ITPRID1: variants seen among roughly 807,000 people sequenced by gnomAD.
The protein encoded by ITPRID1 is ITPR interacting domain containing 1.
Under a neutral mutation model 95.4 loss-of-function variants are expected in ITPRID1, and 96 were observed. The ratio of observed to expected loss-of-function variants is 1.01; its 90% CI spans 0.85 to 1.19. The LOEUF (loss-of-function observed/expected upper bound fraction) is 1.19, where lower values mean the gene tolerates loss of function less well. Ranked by LOEUF, ITPRID1 falls within the 50% of genes most tolerant of loss-of-function variation. The pLI is 0.00. For missense variants in ITPRID1, 1,339 were observed against 1,252.9 expected (o/e 1.07, Z -1.04); for synonymous variants, 510 against 453.6 (o/e 1.12, Z -1.58).
intron 1 of ITPRID1, among the ~76,000 whole-genome samples, chr7:31,519,853 C>T (rs1275662073): frequency 6.6e-6 from 1 of 151,670 alleles, no homozygotes; most frequent in Non-Finnish European, 1.5e-5. Flanking sequence ...CTATTATTAA[C>T]ATCTTAAATT....
At chr7:31,636,731 T>A (rs1201341739) in intron 10 of ITPRID1, among the ~76,000 whole-genome samples, 6 of 151,600 alleles carry the variant, frequency 4.0e-5, no homozygotes, top group Non-Finnish European at 8.8e-5. Flanking sequence ...TTTTTAAAAA[T>A]TTTATTATTA....
chr7:31,553,082 A>AAG lies in ITPRID1; in HGVS notation c.66_67dup (p.Ile23ArgfsTer3), dbSNP rs749588865. On this transcript the variant is annotated frameshift_variant, in exon 3 of 15. Transcript: ENST00000615280. LOFTEE classifies it high-confidence loss of function. ...CCTTCAGGAAGGCCAGGAAAAGAGC[A>AAG]AGAGAGAGATCCTGAAGTGCACCAA... is the stretch of plus-strand genomic sequence containing the variant. The AAG allele has an allele frequency of 6.8e-6, 11 of 1,607,988 alleles. No individual in the cohort carries two copies. Among genetic ancestry groups the AAG allele is most frequent in the Non-Finnish European group, 9.3e-6 (11 of 1,177,144 alleles).
chr7:31,606,745 T>C (rs558172094), intron 10 of ITPRID1, among the ~76,000 whole-genome samples: 1 of 152,276 alleles, frequency 6.6e-6, no homozygotes, highest in South Asian at 2.1e-4. Context: ...TACATGGAGA[T>C]GTTGAAAAAA....
chr7:31,658,524 A>G (rs2128224639), downstream of ITPRID1: 1 of 665,970 alleles, frequency 1.5e-6, no homozygotes, highest in Non-Finnish European at 2.2e-6. Flanking sequence ...GAGTGTTTTC[A>G]TGTGGAATGG....
intron 10 of ITPRID1, among the ~76,000 whole-genome samples, chr7:31,593,485 T>C (rs2128155718): frequency 6.6e-6 from 1 of 152,192 alleles, no homozygotes; most frequent in East Asian, 1.9e-4. Context: ...AAAGAAGAAA[T>C]ATAAAAGCTC....
downstream of ITPRID1, chr7:31,658,400 T>C (rs1030553508): frequency 6.7e-7 from 1 of 1,490,740 alleles, no homozygotes; most frequent in Non-Finnish European, 8.8e-7. Context: ...TAATTGTTTT[T>C]CTTTGTTGAG....
chr7:31,577,160 T>C (rs1012353910), intron 8 of ITPRID1, among the ~76,000 whole-genome samples: 1 of 152,238 alleles, frequency 6.6e-6, no homozygotes, highest in African/African-American at 2.4e-5. Context: ...TTCCTAAGTC[T>C]TGCTCGTTTA....
At position 31,637,508 on chromosome 7, in the gene ITPRID1, T is replaced by C. The variant is rs543756573; in HGVS notation, c.1229-4668T>C. Among the ~76,000 whole-genome samples the C allele has an allele frequency of 9.5e-4, 144 of 152,368 alleles. 1 individual carries two copies. Among genetic ancestry groups the C allele is most frequent in the African/African-American group, 3.3e-3 (139 of 41,588 alleles). The stretch of plus-strand genomic sequence containing the variant: ...GCCAGTGATGATGAGCATTTTTTCA[T>C]GTGTCTTTTGGCTGCATTAATGTCT... On this transcript the variant is annotated intron_variant, in intron 10 of 14. Transcript: ENST00000615280.
At chr7:31,615,074 C>T (rs1024692) in intron 10 of ITPRID1, among the ~76,000 whole-genome samples, 24,609 of 152,024 alleles carry the variant, frequency 0.16, 2,588 homozygotes, top group African/African-American at 0.29. Context: ...AGAATAAAGG[C>T]GACTTCTAGA....
intron 12 of ITPRID1, among the ~76,000 whole-genome samples, chr7:31,648,458 G>A (rs1213954758): frequency 6.6e-6 from 1 of 151,962 alleles, no homozygotes; most frequent in African/African-American, 2.4e-5. Flanking sequence ...GGGCTAAAAT[G>A]TGTTTTTCCA....
At chr7:31,607,921 G>C (rs924212285) in intron 10 of ITPRID1, among the ~76,000 whole-genome samples, 4 of 151,888 alleles carry the variant, frequency 2.6e-5, no homozygotes, top group African/African-American at 9.6e-5. Context: ...TGAAGTTTAT[G>C]TTCTCAGAAT....
chr7:31,517,243 G>A (rs1339173956), intron 1 of ITPRID1: 2 of 152,106 alleles, frequency 1.3e-5, no homozygotes. Context: ...AGAGCTGATT[G>A]GTCCATTTTA....
At chr7:31,552,822 C>A (rs1399352092) in intron 2 of ITPRID1, among the ~76,000 whole-genome samples, 180 bp from the exon 3 acceptor site, 3 of 152,100 alleles carry the variant, frequency 2.0e-5, no homozygotes, top group Admixed American at 6.6e-5. Flanking sequence ...GGGAAGGAAG[C>A]ATTTCACCAA....
At chr7:31,595,237 G>T (rs962815060) in intron 10 of ITPRID1, among the ~76,000 whole-genome samples, 8 of 151,506 alleles carry the variant, frequency 5.3e-5, no homozygotes, top group South Asian at 2.1e-4. Context: ...TAGAGACAGG[G>T]TTTCACCATA....
At chr7:31,658,299 CT>C (rs35589779), downstream of ITPRID1, 684 of 1,381,978 alleles carry the variant, frequency 4.9e-4, no homozygotes, top group Middle Eastern at 1.9e-3. Flanking sequence ...AGCTGGATCC[CT>C]TTTTTTTTTC....
Position 31,569,816 on chromosome 7 carries a change from A to G in ITPRID1, c.308+7A>G. On this transcript the variant is annotated splice_region_variant and intron_variant, in intron 6 of 14. Transcript: ENST00000615280. ...CTGTGAAAGACTACATGAGGTAGGT[A>G]GCAGAATCAGTGTTACTTCATGCCA... The G allele has an allele frequency of 6.3e-7, 1 of 1,579,898 alleles. No individual in the cohort carries two copies. The highest frequency in any genetic ancestry group is 8.6e-7 in the Non-Finnish European group (1 of 1,161,334).
chr7:31,605,567 C>G lies in ITPRID1; in HGVS notation c.1228+22376C>G, dbSNP rs116492810. Among the ~76,000 whole-genome samples the G allele has an allele frequency of 7.9e-4, 120 of 152,332 alleles. 1 individual carries two copies. Among genetic ancestry groups the G allele is most frequent in the African/African-American group, 2.8e-3 (115 of 41,566 alleles). ...TTGGAAGGAAGATCCTAGTTCTTGT[C>G]TCCTGTAGCAAACATCATCCCTTAT... On this transcript the variant is annotated intron_variant, in intron 10 of 14. Transcript: ENST00000615280.
At chr7:31,537,095 TTG>T (rs66543091) in intron 1 of ITPRID1, among the ~76,000 whole-genome samples, 32,119 of 145,340 alleles carry the variant, frequency 0.22, 3,785 homozygotes, top group African/African-American at 0.33. Context: ...GGTGTGTGTG[TTG>T]TGTGTGTGTG....
At chr7:31,658,592 C>A (rs888100075), downstream of ITPRID1, 1 of 331,748 alleles carries the variant, frequency 3.0e-6, no homozygotes, top group Non-Finnish European at 5.3e-6. Context: ...TCATGATGTG[C>A]GAGAATTGTA....
Sources: allele counts gnomAD v4.1 joint callset (sites outside exome capture counted in the v4.1 genomes callset), GRCh38; gene constraint gnomAD v4.1.1; transcripts MANE v1.5; gene names NCBI Gene and HGNC (gene_info 2026-07-23, HGNC 2026-07-21).